Variants in AP4E1 observed in about 807,000 individuals in gnomAD.
AP4E1 encodes AP-4 complex subunit epsilon-1.
In AP4E1, 56 loss-of-function variants were observed where a neutral mutation model predicts 128.2. The ratio of observed to expected loss-of-function variants is 0.44; its 90% CI spans 0.35 to 0.55. The LOEUF is 0.55. Among genes scored for constraint, AP4E1 ranks in the 20% least tolerant of loss-of-function variants. The pLI is 0.00. For missense variants in AP4E1, 1,324 were observed against 1,307.7 expected (o/e 1.01, Z -0.19); for synonymous variants, 484 against 473.1 (o/e 1.02, Z -0.30).
intron 13 of AP4E1, among the ~76,000 whole-genome samples, chr15:50,952,287 G>A (rs189239669): frequency 1.3e-5 from 2 of 151,922 alleles, no homozygotes; most frequent in African/African-American, 4.8e-5. Flanking sequence ...GAGGTGGGTG[G>A]ATCACGAGGT....
intron 14 of AP4E1, among the ~76,000 whole-genome samples, chr15:50,959,395 G>T (rs140260646): frequency 6.6e-6 from 1 of 152,066 alleles, no homozygotes; most frequent in East Asian, 1.9e-4. Flanking sequence ...TATTTTATAG[G>T]CAAGGAGAAA....
chr15:50,972,593 G>A (rs1356491514), intron 15 of AP4E1, among the ~76,000 whole-genome samples: 1 of 152,222 alleles, frequency 6.6e-6, no homozygotes, highest in African/African-American at 2.4e-5. Context: ...GGTGATGGTG[G>A]TGTGGCTTCA....
intron 6 of AP4E1, 36 bp from the exon 7 acceptor site, chr15:50,930,769 C>A: frequency 1.9e-6 from 3 of 1,593,534 alleles, no homozygotes; most frequent in Middle Eastern, 1.7e-4. Context: ...TTTAATAAGA[C>A]GTTATTAACA....
At chr15:50,987,281 G>GT (rs1296516615) in intron 16 of AP4E1, among the ~76,000 whole-genome samples, 2 of 152,072 alleles carry the variant, frequency 1.3e-5, no homozygotes, top group African/African-American at 2.4e-5. Context: ...TTTTTGAAGG[G>GT]TTTTTTGTGT....
At chr15:50,977,185 A>G (rs16963995) in intron 15 of AP4E1, among the ~76,000 whole-genome samples, 7,063 of 152,230 alleles carry the variant, frequency 0.046, 164 homozygotes, top group African/African-American at 0.071. Flanking sequence ...AGTGGGAGGT[A>G]TGATTCCGTT....
rs1275216580 is a variant in AP4E1 at position 51,004,634 on chromosome 15, A to G, written c.*1972A>G. The G allele has an allele frequency of 1.3e-5, 2 of 152,620 alleles. No individual in the cohort carries two copies. Among genetic ancestry groups the G allele is most frequent in the Admixed American group, 6.5e-5 (1 of 15,282 alleles). The allele number at this position is 152,620 out of a possible 1,614,324, so 9.5% of individuals were successfully genotyped here. A position where few individuals can be genotyped will look rare whatever the true frequency, so the allele number is the denominator to read the frequency against. On this transcript the variant is annotated 3_prime_UTR_variant, in exon 21 of 21. Coordinates refer to ENST00000261842, the MANE Select transcript of AP4E1 (RefSeq NM_007347.5). ...TGATTTTGGGTCTGCCCAAAGGAAC[A>G]TGGTGTCACTTTTGTTCTTTCTGAC...
At chr15:50,956,133 G>A (rs1462358390) in intron 13 of AP4E1, among the ~76,000 whole-genome samples, 1 of 152,148 alleles carries the variant, frequency 6.6e-6, no homozygotes, top group African/African-American at 2.4e-5. Context: ...TACTTAGTAG[G>A]AAGAATAGGG....
chr15:50,932,040 C>T (rs928303564), intron 7 of AP4E1, among the ~76,000 whole-genome samples: 5 of 151,606 alleles, frequency 3.3e-5, no homozygotes, highest in East Asian at 1.9e-4. Flanking sequence ...AGTGTAGTGG[C>T]GCGATCTCAG....
chr15:50,980,663 C>T (rs1567252882), intron 15 of AP4E1, among the ~76,000 whole-genome samples: 1 of 152,192 alleles, frequency 6.6e-6, no homozygotes, highest in Admixed American at 6.5e-5. Context: ...TTCACAGGCT[C>T]GAGCTCTGGG....
At chr15:50,996,119 G>A (rs1242054806) in intron 17 of AP4E1, among the ~76,000 whole-genome samples, 1 of 148,730 alleles carries the variant, frequency 6.7e-6, no homozygotes, top group Non-Finnish European at 1.5e-5. Flanking sequence ...CTCCCGAGTA[G>A]CTGGGATTAC....
At chr15:50,953,972 A>T (rs2064184388) in intron 13 of AP4E1, among the ~76,000 whole-genome samples, 1 of 152,216 alleles carries the variant, frequency 6.6e-6, no homozygotes, top group Non-Finnish European at 1.5e-5. Context: ...AGCATGTTCC[A>T]ATTGATGGCA....
At chr15:50,984,301 TA>T (rs948935703) in intron 16 of AP4E1, among the ~76,000 whole-genome samples, 156 bp downstream of exon 16, 1 of 152,110 alleles carries the variant, frequency 6.6e-6, no homozygotes, top group Non-Finnish European at 1.5e-5. Context: ...GGTTTTCACA[TA>T]ATTTTCTTTT....
intron 15 of AP4E1, among the ~76,000 whole-genome samples, chr15:50,969,319 C>T (rs2064443429): frequency 6.6e-6 from 1 of 152,124 alleles, no homozygotes; most frequent in Non-Finnish European, 1.5e-5. Flanking sequence ...ATCCAGGTCC[C>T]TGCAAAAGAC....
intron 15 of AP4E1, among the ~76,000 whole-genome samples, chr15:50,981,114 A>T (rs894042229): frequency 1.3e-5 from 2 of 152,062 alleles, no homozygotes; most frequent in Non-Finnish European, 2.9e-5. Context: ...CCCAGAACTG[A>T]TGCTACTAGC....
intron 10 of AP4E1, among the ~76,000 whole-genome samples, chr15:50,942,613 A>AT (rs1260649015): frequency 6.7e-6 from 1 of 149,350 alleles, no homozygotes; most frequent in East Asian, 1.9e-4. Flanking sequence ...TATATTATAT[A>AT]TAACATAGCA....
rs770500561 is a variant in AP4E1, at chr15:50,997,866, C to A, written c.2887C>A (p.Pro963Thr). 2 of 1,597,320 alleles carry A rather than the reference C, an allele frequency of 1.3e-6. No homozygotes were observed. The highest frequency in any genetic ancestry group is 1.7e-6 in the Non-Finnish European group (2 of 1,169,982). ...ELKSADLEIF[P>T]AENFKVTEQP... is the part of the protein sequence containing the mutation. ...GAAAAGTGCTGACTTAGAAATTTTT[C>A]CTGCAGAAAATTTCAAGGTAAAATT... The change falls in exon 18 of 21, where the codon CCT becomes ACT. Residue 963 changes from proline (P) to threonine (T), a missense_variant. Pro to Thr is a conservative substitution (Grantham distance 38). Coordinates refer to ENST00000261842, the MANE Select transcript of AP4E1 (RefSeq NM_007347.5).
chr15:50,909,164 G>T (rs1358155723), intron 1 of AP4E1, among the ~76,000 whole-genome samples: 1 of 152,262 alleles, frequency 6.6e-6, no homozygotes, highest in Non-Finnish European at 1.5e-5. Flanking sequence ...TTGATCGGGG[G>T]CACATCTCTG....
chr15:50,952,276 C>T (rs111741759), intron 13 of AP4E1, among the ~76,000 whole-genome samples: 17 of 151,680 alleles, frequency 1.1e-4, no homozygotes, highest in Admixed American at 3.9e-4. Context: ...TTTGGGATGC[C>T]GAGGTGGGTG....
intron 2 of AP4E1, among the ~76,000 whole-genome samples, chr15:50,915,029 T>C (rs1393712802): frequency 6.6e-6 from 1 of 152,222 alleles, no homozygotes; most frequent in Non-Finnish European, 1.5e-5. Context: ...ACAGGAATTA[T>C]TACCAACTTG....
Sources: gnomAD v4.1 joint callset for allele counts (sites outside exome capture counted in the v4.1 genomes callset) on GRCh38, gnomAD v4.1.1 for gene constraint, MANE v1.5 for transcripts, NCBI Gene and HGNC (gene_info 2026-07-23, HGNC 2026-07-21) for gene names.